The following ZNF133 variants were observed in gnomAD, a reference collection of about 807,000 sequenced individuals.
The protein encoded by ZNF133 is zinc finger protein 133.
Under a neutral mutation model 54.9 loss-of-function variants are expected in ZNF133, and 26 were observed. That is an observed-to-expected ratio of 0.47 (90% confidence interval 0.35 to 0.66). The LOEUF (loss-of-function observed/expected upper bound fraction) is 0.66. ZNF133 is among the 30% of genes least tolerant of loss of function. The pLI, the probability that ZNF133 is intolerant of heterozygous loss-of-function variation, is 0.01. For synonymous variants in ZNF133, 298 were observed against 320.3 expected, an observed-to-expected ratio of 0.93 and a Z score of 0.74; for missense variants, 653 against 820.8, an observed-to-expected ratio of 0.80 and a Z score of 2.50.
At chr20:18,313,104 C>T (rs1378174379) in intron 6 of ZNF133, 1 of 152,012 alleles carries the variant, frequency 6.6e-6, no homozygotes, top group African/African-American at 2.4e-5. Context: ...GCAGGAGCAC[C>T]TTAGATTTAA....
intron 1 of ZNF133, among the ~76,000 whole-genome samples, 189 bp from the exon 2 acceptor site, chr20:18,297,796 C>G (rs1322539071): frequency 6.6e-6 from 1 of 151,922 alleles, no homozygotes; most frequent in Non-Finnish European, 1.5e-5. Context: ...TTTGGAAGAC[C>G]CTGGATTACT....
intron 6 of ZNF133, among the ~76,000 whole-genome samples, chr20:18,308,514 AT>A (rs1350674366): frequency 6.6e-6 from 1 of 152,126 alleles, no homozygotes; most frequent in East Asian, 1.9e-4. Context: ...GGTTCAGGAT[AT>A]TTTTATCTTA....
chr20:18,298,862 C>G lies in ZNF133; in HGVS notation c.-178+398C>G, dbSNP rs77706075. Among the ~76,000 whole-genome samples, 558 of 152,048 alleles carry G rather than the reference C, an allele frequency of 3.7e-3. 1 individual carries two copies. The highest frequency in any genetic ancestry group is 0.013 in the African/African-American group (528 of 41,452). On this transcript the variant is annotated intron_variant, in intron 3 of 6. Transcript: ENST00000425686. ...ATATGGGGGAATGTAGAAGGTATAC[C>G]CATGGAAAGGCACAGGCTCAGAAAA...
chr20:18,315,113 G>A lies in ZNF133; in HGVS notation c.262G>A (p.Gly88Ser). The change falls in exon 7 of 7, where the codon GGT becomes AGT. Residue 88 changes from glycine to serine, a missense_variant. This residue lies in a region of ZNF133 where 227 missense variants were observed against 233.9 expected (regional missense o/e 0.97). Transcript: ENST00000425686. ...CTACCTCGATCCTTTCTGCCCTCCG[G>A]GTTTCTCCAGTCAGAAATTCCCCAT... ...ELYLDPFCPP[G>S]FSSQKFPMQH... is the part of the protein sequence containing the mutation. 1 of 1,567,738 alleles carries A rather than the reference G, an allele frequency of 6.4e-7. No individual in the cohort carries two copies. Among genetic ancestry groups the A allele is most frequent in the Non-Finnish European group, 8.6e-7 (1 of 1,156,748 alleles).
At chr20:18,313,542 C>G (rs1485049881) in intron 6 of ZNF133, 1 of 152,164 alleles carries the variant, frequency 6.6e-6, no homozygotes, top group South Asian at 2.1e-4. Flanking sequence ...TGACTATGCC[C>G]TAATATGTAT....
At chr20:18,291,176 CTCT>C (rs1228028099) in intron 1 of ZNF133, among the ~76,000 whole-genome samples, 1 of 152,214 alleles carries the variant, frequency 6.6e-6, no homozygotes, top group African/African-American at 2.4e-5. Flanking sequence ...AGCTTCCTGT[CTCT>C]TCTTCACCTT....
At chr20:18,306,946 A>G (rs1488049835) in intron 6 of ZNF133, 4 of 199,610 alleles carry the variant, frequency 2.0e-5, no homozygotes, top group Non-Finnish European at 3.6e-5. Context: ...TTGCTGGCCC[A>G]TGCTCTAAGG....
Position 18,292,910 on chromosome 20 carries a change from C to T in ZNF133, c.-432+4306C>T, listed in dbSNP as rs533436702. Among the ~76,000 whole-genome samples, 154 of 152,270 alleles carry T rather than the reference C, an allele frequency of 1.0e-3. 1 individual carries two copies. The highest frequency in any genetic ancestry group is 3.6e-3 in the African/African-American group (151 of 41,560). On this transcript the variant is annotated intron_variant, in intron 1 of 6. Coordinates refer to ENST00000425686, the MANE Select transcript of ZNF133 (RefSeq NM_001352452.2). ...ACTGGCAGGAGGCTTTTGCCATTGT[C>T]CTGGTGCTCCAACTGGTGTAGGGGT...
In ZNF133 at chr20:18,302,357, C is replaced by T. The variant is rs575499591; in HGVS notation, c.-177-2651C>T. Among the ~76,000 whole-genome samples the T allele has an allele frequency of 2.8e-4, 41 of 148,850 alleles. No individual in the cohort carries two copies. In the South Asian group the frequency reaches 3.0e-3, roughly 11 times the overall value. ...AGCAGAGCTTGCAGTGAGCCAACAT[C>T]GTGCCTCTGCACTCCAGCCTGGGTG... On this transcript the variant is annotated intron_variant, in intron 3 of 6. Transcript: ENST00000425686.
intron 6 of ZNF133, chr20:18,314,032 G>C (rs2046758204): frequency 6.6e-6 from 1 of 152,238 alleles, no homozygotes; most frequent in African/African-American, 2.4e-5. Flanking sequence ...ACATTCACTT[G>C]GGCAGTTTGC....
Position 18,316,858 on chromosome 20 carries a change from A to G in ZNF133, c.*42A>G. 1 of 1,540,770 alleles carries G rather than the reference A, an allele frequency of 6.5e-7. No individual in the cohort carries two copies. Among genetic ancestry groups the G allele is most frequent in the Non-Finnish European group, 8.7e-7 (1 of 1,143,938 alleles). The stretch of plus-strand genomic sequence containing the variant: ...AAGGACTAAGAGTCAGAATGTTGAC[A>G]CTTTGATGAAATGGAGTAGAGAAAT... On this transcript the variant is annotated 3_prime_UTR_variant, in exon 7 of 7. Coordinates refer to ENST00000425686, the MANE Select transcript of ZNF133 (RefSeq NM_001352452.2).
At position 18,316,646 on chromosome 20, in the gene ZNF133, A is replaced by T. The variant is rs774015805; in HGVS notation, c.1795A>T (p.Thr599Ser). 1.9e-6 allele frequency: 3 copies of T among 1,613,998 alleles called. No individual in the cohort carries two copies. Among genetic ancestry groups the T allele is most frequent in the Non-Finnish European group, 2.5e-6 (3 of 1,180,010 alleles). ...GTCACACCTCACCTTACATCAAATGACACATACGGGGGAGAAGCCATATGT... is the reference window on the plus strand; with the variant it reads ...GTCACACCTCACCTTACATCAAATGTCACATACGGGGGAGAAGCCATATGT... ...QKSHLTLHQM[T>S]HTGEKPYVCK... is the part of the protein sequence containing the mutation. Residue 599 changes from threonine to serine, a missense_variant, in exon 7 of 7, where the codon ACA (threonine) becomes TCA (serine). Thr to Ser is a moderately conservative substitution (Grantham distance 58). Around this residue, in one of 4 missense-constraint regions of ZNF133, gnomAD observed 129 missense variants for 138.5 expected, o/e 0.93. Transcript: ENST00000425686.
At chr20:18,297,923 G>C in intron 1 of ZNF133, 62 bp from the exon 2 acceptor site, 1 of 1,126,202 alleles carries the variant, frequency 8.9e-7, no homozygotes, top group African/African-American at 1.5e-5. Flanking sequence ...AGCAGGCCCT[G>C]CTTCACTCAT....
At chr20:18,296,203 T>C (rs887097575) in intron 1 of ZNF133, among the ~76,000 whole-genome samples, 4 of 152,188 alleles carry the variant, frequency 2.6e-5, no homozygotes, top group Non-Finnish European at 4.4e-5. Context: ...CAATTATGTA[T>C]ATTAAATGCT....
chr20:18,316,096 T>G lies in ZNF133; in HGVS notation c.1245T>G (p.Cys415Trp). Reference sequence around the variant, plus strand: ...AGAAGCCCTATGTGTGCGGGGTGTGTGGGCACAGCTTCAGCCAGAATTCAA... The same window carrying G: ...AGAAGCCCTATGTGTGCGGGGTGTGGGGGCACAGCTTCAGCCAGAATTCAA... ...SKEKPYVCGV[C>W]GHSFSQNSTL... is the part of the protein sequence containing the mutation. Residue 415 changes from cysteine to tryptophan, a missense_variant, in exon 7 of 7, where the codon TGT (cysteine) becomes TGG (tryptophan). Physicochemically the swap from Cys to Trp is radical, Grantham distance 215. This residue lies in a region of ZNF133 where 292 missense variants were observed against 431.6 expected (regional missense o/e 0.68). Coordinates refer to ENST00000425686, the MANE Select transcript of ZNF133 (RefSeq NM_001352452.2). The G allele has an allele frequency of 6.2e-7, 1 of 1,612,826 alleles. No individual in the cohort carries two copies. Among genetic ancestry groups the G allele is most frequent in the Non-Finnish European group, 8.5e-7 (1 of 1,179,340 alleles).
At chr20:18,291,777 A>G (rs905989020) in intron 1 of ZNF133, among the ~76,000 whole-genome samples, 21 of 151,488 alleles carry the variant, frequency 1.4e-4, no homozygotes, top group African/African-American at 4.8e-4. Context: ...CAGTGGCACA[A>G]TCTCGGCTTA....
chr20:18,310,591 A>T (rs4814717), intron 6 of ZNF133, among the ~76,000 whole-genome samples: 1 of 152,172 alleles, frequency 6.6e-6, no homozygotes, highest in Admixed American at 6.5e-5. Context: ...CTCATAGAGA[A>T]AGAGAATACA....
intron 6 of ZNF133, chr20:18,310,371 A>G (rs2045613755): frequency 6.9e-7 from 1 of 1,457,800 alleles, no homozygotes; most frequent in Non-Finnish European, 9.0e-7. Context: ...GACAGGCAAT[A>G]TCAGAATCCT....
At chr20:18,293,812 A>G (rs368323670) in intron 1 of ZNF133, among the ~76,000 whole-genome samples, 2 of 152,182 alleles carry the variant, frequency 1.3e-5, no homozygotes, top group Non-Finnish European at 2.9e-5. Flanking sequence ...ATTATAACCC[A>G]TAGGATAAGA....
Sources: allele counts gnomAD v4.1 joint callset (sites outside exome capture counted in the v4.1 genomes callset), GRCh38; gene constraint gnomAD v4.1.1; regional missense constraint gnomAD v4.1.1; transcripts MANE v1.5; gene names NCBI Gene and HGNC (gene_info 2026-07-23, HGNC 2026-07-21).